The following HPSE2 variants were observed in gnomAD, a reference collection of about 807,000 sequenced individuals.
The protein encoded by HPSE2 is heparanase 2 (inactive).
A neutral mutation model predicts 60.5 loss-of-function variants in HPSE2; 38 were observed. That is an observed-to-expected ratio of 0.63 (90% confidence interval 0.48 to 0.82). HPSE2 has a LOEUF of 0.82. HPSE2 is among the 40% of genes least tolerant of loss of function. HPSE2 has a pLI of 0.00. For synonymous variants in HPSE2, 295 were observed against 293.2 expected, an observed-to-expected ratio of 1.01 and a Z score of -0.06; for missense variants, 713 against 740.4, an observed-to-expected ratio of 0.96 and a Z score of 0.43.
intron 3 of HPSE2, among the ~76,000 whole-genome samples, chr10:99,073,482 G>A (rs955672952): frequency 1.3e-5 from 2 of 151,990 alleles, no homozygotes; most frequent in East Asian, 3.9e-4. Context: ...TTGGGGGTGG[G>A]GTGGGGGAAG....
At position 98,776,278 on chromosome 10, in the gene HPSE2, C is replaced by CA. The variant is rs35176062; in HGVS notation, c.611-32223dup. Reference sequence around the variant, plus strand: ...TGAAACCCCATCTCTACTAAAAATACAAAAAAAAAAAAAAAAAATTCAGCT... The same window carrying CA: ...TGAAACCCCATCTCTACTAAAAATACAAAAAAAAAAAAAAAAAAATTCAGCT... On this transcript the variant is annotated intron_variant, in intron 3 of 11. Coordinates refer to ENST00000370552, the MANE Select transcript of HPSE2 (RefSeq NM_021828.5). Among the ~76,000 whole-genome samples, 322 of 137,072 alleles carry CA rather than the reference C, an allele frequency of 2.3e-3. 3 individuals are homozygous for CA. In the East Asian group the frequency reaches 0.03, roughly 13 times the overall value. The allele number at this position is 137,072 out of a possible 152,430, so 89.9% of individuals were successfully genotyped here.
chr10:98,474,983 G>A (rs1350283594), intron 11 of HPSE2, among the ~76,000 whole-genome samples: 1 of 152,136 alleles, frequency 6.6e-6, no homozygotes, highest in Non-Finnish European at 1.5e-5. Context: ...AAAGCCAGGT[G>A]AGGATATGGC....
At chr10:99,001,936 G>A (rs1404912583) in intron 3 of HPSE2, among the ~76,000 whole-genome samples, 1 of 151,968 alleles carries the variant, frequency 6.6e-6, no homozygotes, top group Non-Finnish European at 1.5e-5. Flanking sequence ...TATGGTCTCT[G>A]TTGCAGTGAA....
At chr10:99,170,424 T>C (rs1454530147) in intron 2 of HPSE2, among the ~76,000 whole-genome samples, 2 of 152,212 alleles carry the variant, frequency 1.3e-5, no homozygotes, top group African/African-American at 4.8e-5. Flanking sequence ...GAAGACACTA[T>C]AGTTTAATCT....
At chr10:99,298,069 G>A in the HPSE2 span, among the ~76,000 whole-genome samples, 1 of 152,230 alleles carries the variant, frequency 6.6e-6, no homozygotes, top group Non-Finnish European at 1.5e-5. Context: ...GCCTGACAGA[G>A]CTACCTACAG....
chr10:99,211,619 C>G (rs974363116), intron 2 of HPSE2, among the ~76,000 whole-genome samples: 1 of 152,036 alleles, frequency 6.6e-6, no homozygotes, highest in African/African-American at 2.4e-5. Context: ...GAAAAGACAG[C>G]CTCTTCAATA....
chr10:98,556,129 A>G (rs143110390), intron 9 of HPSE2, among the ~76,000 whole-genome samples: 1 of 152,288 alleles, frequency 6.6e-6, no homozygotes, highest in East Asian at 1.9e-4. Flanking sequence ...AAAGACTGAC[A>G]GTGATAAAGA....
chr10:98,732,899 A>T (rs1949263098), intron 4 of HPSE2, among the ~76,000 whole-genome samples: 1 of 152,200 alleles, frequency 6.6e-6, no homozygotes, highest in Non-Finnish European at 1.5e-5. Context: ...TCCAGAATAT[A>T]TAAAGAACTC....
intron 3 of HPSE2, among the ~76,000 whole-genome samples, chr10:98,814,226 A>T (rs1951233755): frequency 1.3e-5 from 2 of 151,690 alleles, no homozygotes; most frequent in Admixed American, 6.6e-5. Flanking sequence ...TGAAAAAAAA[A>T]TTTAAAATAT....
chr10:98,802,220 A>C (rs1249759704), intron 3 of HPSE2, among the ~76,000 whole-genome samples: 1 of 152,128 alleles, frequency 6.6e-6, no homozygotes, highest in African/African-American at 2.4e-5. Context: ...AAACTATAAA[A>C]CTACCAAGAG....
chr10:98,718,385 T>G (rs1948841277), intron 5 of HPSE2, among the ~76,000 whole-genome samples: 2 of 152,194 alleles, frequency 1.3e-5, no homozygotes, highest in South Asian at 4.1e-4. Context: ...ACAGTCCTGT[T>G]TAGTTCTGTA....
intron 3 of HPSE2, among the ~76,000 whole-genome samples, chr10:98,897,732 A>G (rs1953534812): frequency 6.6e-6 from 1 of 152,156 alleles, no homozygotes; most frequent in South Asian, 2.1e-4. Flanking sequence ...TGAATGTAAA[A>G]TGCAAAACTT....
intron 2 of HPSE2, among the ~76,000 whole-genome samples, chr10:99,159,750 G>C (rs370367768): frequency 1.3e-5 from 2 of 152,074 alleles, no homozygotes; most frequent in East Asian, 3.8e-4. Context: ...CTTAGGTTAA[G>C]TACAGATTTC....
chr10:99,061,385 T>A (rs942005587), intron 3 of HPSE2, among the ~76,000 whole-genome samples: 1 of 152,240 alleles, frequency 6.6e-6, no homozygotes, highest in African/African-American at 2.4e-5. Flanking sequence ...CCTTTCAATA[T>A]CTGAATTTAT....
At chr10:98,533,554 G>T (rs1943193341) in intron 9 of HPSE2, among the ~76,000 whole-genome samples, 1 of 152,124 alleles carries the variant, frequency 6.6e-6, no homozygotes, top group African/African-American at 2.4e-5. Flanking sequence ...TTAACTCTTT[G>T]ATGAAATTAG....
intron 5 of HPSE2, among the ~76,000 whole-genome samples, chr10:98,703,524 A>G (rs1201920413): frequency 6.6e-6 from 1 of 152,170 alleles, no homozygotes; most frequent in Non-Finnish European, 1.5e-5. Flanking sequence ...ATCCTCAATA[A>G]AATGCTGGCA....
At chr10:98,900,096 G>T (rs1277911429) in intron 3 of HPSE2, among the ~76,000 whole-genome samples, 1 of 151,958 alleles carries the variant, frequency 6.6e-6, no homozygotes, top group Non-Finnish European at 1.5e-5. Context: ...TGACCAAAAG[G>T]AATAAAAGCA....
At chr10:98,800,396 A>G (rs914037589) in intron 3 of HPSE2, among the ~76,000 whole-genome samples, 2 of 147,786 alleles carry the variant, frequency 1.4e-5, no homozygotes, top group Non-Finnish European at 3.0e-5. Flanking sequence ...ATATACATAA[A>G]TATATATTTA....
At chr10:98,995,285 G>C (rs182728672) in intron 3 of HPSE2, among the ~76,000 whole-genome samples, 1 of 152,080 alleles carries the variant, frequency 6.6e-6, no homozygotes, top group Admixed American at 6.6e-5. Flanking sequence ...TTTAAGCCTT[G>C]GTTTCCTTAC....
Sources: allele counts gnomAD v4.1 joint callset (sites outside exome capture counted in the v4.1 genomes callset), GRCh38; gene constraint gnomAD v4.1.1; transcripts MANE v1.5; gene names NCBI Gene and HGNC (gene_info 2026-07-23, HGNC 2026-07-21).